The following HMBOX1 variants were observed in gnomAD, a reference collection of about 807,000 sequenced individuals.
HMBOX1 encodes the protein homeobox-containing protein 1.
Under a neutral mutation model 54.5 loss-of-function variants are expected in HMBOX1, and 14 were observed. That is an observed-to-expected ratio of 0.26 (90% CI 0.17 to 0.40). The LOEUF (loss-of-function observed/expected upper bound fraction) is 0.40, where lower values mean the gene tolerates loss of function less well. HMBOX1 is among the 10% of genes least tolerant of loss of function. The probability of loss-of-function intolerance (pLI) is 1.00; values close to 1 mark genes in which losing one functional copy is unlikely to be tolerated. For synonymous variants in HMBOX1, 160 were observed against 181.0 expected, an observed-to-expected ratio of 0.88 and a Z score of 0.93; for missense variants, 332 against 514.4, an observed-to-expected ratio of 0.65 and a Z score of 3.43.
intron 1 of HMBOX1, among the ~76,000 whole-genome samples, chr8:28,910,919 G>A (rs1287094310): frequency 1.3e-5 from 2 of 152,134 alleles, no homozygotes; most frequent in Non-Finnish European, 2.9e-5. Context: ...AAATGAGAGA[G>A]CAGTGACAGG....
At chr8:28,898,902 T>C (rs1194231802) in intron 1 of HMBOX1, among the ~76,000 whole-genome samples, 3 of 152,194 alleles carry the variant, frequency 2.0e-5, no homozygotes, top group Admixed American at 2.0e-4. Flanking sequence ...ACCTTTTATA[T>C]GAGGCTTAAG....
intron 1 of HMBOX1, among the ~76,000 whole-genome samples, chr8:28,896,434 A>G (rs1174619793): frequency 8.1e-6 from 1 of 124,120 alleles, no homozygotes; most frequent in African/African-American, 2.6e-5. Flanking sequence ...CTCTTACTGC[A>G]AAGATTGAAT....
chr8:28,985,468 G>A lies in HMBOX1; in HGVS notation c.586+5312G>A, dbSNP rs558702450. 3.4e-4 allele frequency among the ~76,000 whole-genome samples: 51 copies of A among 152,226 alleles called. No individual in the cohort carries two copies. In the South Asian group the frequency reaches 0.01, roughly 30 times the overall value. ...GGGACATAAACATTCAACCATAGCA[G>A]CTTCTATGTATCTTTTCTAGCTGTC... On this transcript the variant is annotated intron_variant, in intron 4 of 9. Transcript: ENST00000287701.
intron 1 of HMBOX1, among the ~76,000 whole-genome samples, chr8:28,956,115 A>C (rs1824386572): frequency 1.3e-5 from 2 of 152,148 alleles, no homozygotes; most frequent in Non-Finnish European, 2.9e-5. Flanking sequence ...TTTCTTTCCA[A>C]ATGATGTCAT....
chr8:29,049,759 A>G (rs1320394970), intron 9 of HMBOX1, among the ~76,000 whole-genome samples: 2 of 152,186 alleles, frequency 1.3e-5, no homozygotes, highest in Non-Finnish European at 2.9e-5. Context: ...TAAAATTTTG[A>G]TAGGATTTAA....
intron 4 of HMBOX1, among the ~76,000 whole-genome samples, chr8:29,000,978 A>C (rs181412931): frequency 6.6e-6 from 1 of 152,308 alleles, no homozygotes; most frequent in Admixed American, 6.5e-5. Flanking sequence ...ACAATTGTTG[A>C]CAGTGCTTTT....
In HMBOX1 at chr8:28,984,783, T is replaced by G. The variant is rs185550707; in HGVS notation, c.586+4627T>G. On this transcript the variant is annotated intron_variant, in intron 4 of 9. Coordinates refer to ENST00000287701, the MANE Select transcript of HMBOX1 (RefSeq NM_001135726.3). ...TGTTTAAGAATGCTTAAAACATAAT[T>G]TTTTTTAATGACCTTTGGGAAAAAA... 3.7e-4 allele frequency among the ~76,000 whole-genome samples: 56 copies of G among 152,148 alleles called. No homozygotes were observed. In the East Asian group the frequency reaches 8.7e-3, roughly 24 times the overall value.
intron 5 of HMBOX1, among the ~76,000 whole-genome samples, chr8:29,016,541 A>T (rs1036935136): frequency 1.3e-5 from 2 of 152,228 alleles, no homozygotes; most frequent in African/African-American, 4.8e-5. Context: ...CACAACCAGC[A>T]TTTATTATCT....
intron 4 of HMBOX1, 118 bp downstream of exon 4, chr8:28,980,274 AT>A (rs1458077559): frequency 1.3e-6 from 1 of 759,532 alleles, no homozygotes; most frequent in Non-Finnish European, 2.3e-6. Context: ...CTTAGGCATA[AT>A]TATGTATGCC....
At chr8:29,025,170 A>G (rs1472014311) in intron 6 of HMBOX1, among the ~76,000 whole-genome samples, 1 of 152,092 alleles carries the variant, frequency 6.6e-6, no homozygotes, top group African/African-American at 2.4e-5. Context: ...TAGATATCAG[A>G]AAAAAAATGG....
chr8:28,970,814 G>T lies in HMBOX1; in HGVS notation c.500+295G>T. On this transcript the variant is annotated intron_variant, in intron 3 of 9. Coordinates refer to ENST00000287701, the MANE Select transcript of HMBOX1 (RefSeq NM_001135726.3). The surrounding 1 kb of genome is among the most constrained non-coding windows in gnomAD (Gnocchi z 4.3). ...TCTATGACTCTAATAGCTAATTTCT[G>T]ACTAACAGACACATTCTAATCCTTA... 1 of 274,334 alleles carries T rather than the reference G, an allele frequency of 3.6e-6. No homozygotes were observed. The highest frequency in any genetic ancestry group is 6.8e-5 in the East Asian group (1 of 14,668). The allele number at this position is 274,334 out of a possible 1,614,324, so 17.0% of individuals were successfully genotyped here.
chr8:28,912,072 A>G (rs1815551708), intron 1 of HMBOX1, among the ~76,000 whole-genome samples: 1 of 152,206 alleles, frequency 6.6e-6, no homozygotes, highest in Non-Finnish European at 1.5e-5. Context: ...AAAGTGTTGA[A>G]TATCTCATTT....
chr8:28,949,782 G>A (rs1431323567), intron 1 of HMBOX1: 1 of 152,014 alleles, frequency 6.6e-6, no homozygotes, highest in African/African-American at 2.4e-5. Flanking sequence ...ACAAATTATT[G>A]TAATACAGGA....
intron 1 of HMBOX1, among the ~76,000 whole-genome samples, chr8:28,945,694 A>C (rs966820877): frequency 4.6e-5 from 7 of 152,178 alleles, no homozygotes; most frequent in Non-Finnish European, 8.8e-5. Context: ...TGACCTATCG[A>C]TTATATTTTG....
At chr8:28,893,190 C>A (rs888370817) in intron 1 of HMBOX1, among the ~76,000 whole-genome samples, 11 of 152,096 alleles carry the variant, frequency 7.2e-5, no homozygotes, top group African/African-American at 2.7e-4. Context: ...AATATATTCC[C>A]AGCATTTGTT....
chr8:28,935,810 A>G (rs1450318455), intron 1 of HMBOX1, among the ~76,000 whole-genome samples: 2 of 152,124 alleles, frequency 1.3e-5, no homozygotes, highest in Non-Finnish European at 2.9e-5. Context: ...TTACTCCAGT[A>G]TAGTATAGAA....
intron 6 of HMBOX1, among the ~76,000 whole-genome samples, chr8:29,023,284 T>A (rs1424330846): frequency 1.3e-5 from 2 of 151,964 alleles, no homozygotes; most frequent in Non-Finnish European, 2.9e-5. Flanking sequence ...TATCTTGATT[T>A]AAAAAAAACA....
chr8:28,957,521 C>T (rs1265051503), intron 1 of HMBOX1, among the ~76,000 whole-genome samples: 4 of 152,068 alleles, frequency 2.6e-5, no homozygotes, highest in Non-Finnish European at 5.9e-5. Flanking sequence ...TGCAATATAC[C>T]CTTGTAACAA....
At chr8:28,900,269 A>ATATATATATATAT (rs1422463025) in intron 1 of HMBOX1, among the ~76,000 whole-genome samples, 1,349 of 68,406 alleles carry the variant, frequency 0.02, 7 homozygotes, top group Non-Finnish European at 0.028. Flanking sequence ...AAAAAAAAAA[A>ATATATATATATAT]AAATATATAT....
Sources: gnomAD v4.1 joint callset for allele counts (sites outside exome capture counted in the v4.1 genomes callset) on GRCh38, gnomAD v4.1.1 for gene constraint, Gnocchi (gnomAD v3.1) non-coding constraint, MANE v1.5 for transcripts, NCBI Gene and HGNC (gene_info 2026-07-23, HGNC 2026-07-21) for gene names.